TP53BP1: variants seen among roughly 807,000 people sequenced by gnomAD.
TP53BP1 encodes TP53-binding protein 1.
A neutral mutation model predicts 200.8 loss-of-function variants in TP53BP1; 61 were observed. The observed-to-expected ratio is 0.30, with a 90% CI of 0.25 to 0.38. TP53BP1 has a LOEUF of 0.38. Ranked by LOEUF, TP53BP1 falls within the 10% of genes least tolerant of loss-of-function variation. TP53BP1 has a pLI of 1.00. For synonymous variants in TP53BP1, 822 were observed against 844.3 expected, an observed-to-expected ratio of 0.97 and a Z score of 0.46; for missense variants, 2,144 against 2,371.9, an observed-to-expected ratio of 0.90 and a Z score of 2.00.
rs545543621 is a variant in TP53BP1, at chr15:43,457,163, T to C, written c.1445A>G (p.Asp482Gly). 1.2e-6 allele frequency: 2 copies of C among 1,613,262 alleles called. No individual in the cohort carries two copies. Among genetic ancestry groups the C allele is most frequent in the African/African-American group, 2.7e-5 (2 of 75,026 alleles). ...LEEQSNDGKK[D>G]GDMHSSSLTV... is the part of the protein sequence containing the mutation. ...CAAAGATGAACTATGCATATCTCCA[T>C]CTTTCTTCCCATCATTTGATTGTTC... Residue 482 changes from aspartate (D) to glycine (G), a missense_variant, in exon 12 of 28, where the codon GAT (aspartate) becomes GGT (glycine). Asp to Gly is a moderately conservative substitution (Grantham distance 94). Transcript: ENST00000382044.
intron 23 of TP53BP1, among the ~76,000 whole-genome samples, chr15:43,414,544 A>C (rs2045214031): frequency 6.6e-6 from 1 of 152,090 alleles, no homozygotes; most frequent in African/African-American, 2.4e-5. Context: ...GAATAGACTG[A>C]TTTTACCTCT....
rs570488146 is a variant in TP53BP1, at chr15:43,421,936, C to A, written c.4019G>T (p.Gly1340Val). 29 of 1,614,168 alleles carry A rather than the reference C, an allele frequency of 1.8e-5. No homozygotes were observed. The South Asian group carries it at 3.0e-4, about 17-fold the overall frequency. Residue 1340 changes from glycine (G) to valine (V), a missense_variant, in exon 19 of 28, where the codon GGA (glycine) becomes GTA (valine). Physicochemically the swap from Gly to Val is moderately radical, Grantham distance 109. This residue lies in a region of TP53BP1 where 1,700 missense variants were observed against 1,710.3 expected (regional missense o/e 0.99). Transcript: ENST00000382044. ...HSSGSSGKGAGPLRGKTSGTE... is the reference protein window; with the variant it reads ...HSSGSSGKGAVPLRGKTSGTE... ...CCCGCTGGTTTTCCCTCTGAGTGGTCCGGCTCCTTTCCCTGAGCTTCCACT... is the reference window on the plus strand; with the variant it reads ...CCCGCTGGTTTTCCCTCTGAGTGGTACGGCTCCTTTCCCTGAGCTTCCACT...
Position 43,469,953 on chromosome 15 carries a change from T to G in TP53BP1, c.1294A>C (p.Thr432Pro), listed in dbSNP as rs748984816. The G allele has an allele frequency of 1.7e-5, 27 of 1,613,942 alleles. No homozygotes were observed. The highest frequency in any genetic ancestry group is 2.0e-5 in the Non-Finnish European group (24 of 1,180,024). ...LENPPLLPES[T>P]VSPQASTPIS... ...GGTGTTGAGGCTTGTGGTGATACAG[T>G]GGACTCAGGCAGGAGAGGGGGGTTT... Residue 432 changes from threonine to proline, a missense_variant, in exon 11 of 28, where the codon ACT becomes CCT. Thr to Pro is a conservative substitution (Grantham distance 38). This residue lies in a region of TP53BP1 where 1,700 missense variants were observed against 1,710.3 expected (regional missense o/e 0.99). Coordinates refer to ENST00000382044, the MANE Select transcript of TP53BP1 (RefSeq NM_001141980.3).
chr15:43,496,622 C>CT (rs201302525), upstream of TP53BP1, among the ~76,000 whole-genome samples: 1,862 of 135,146 alleles, frequency 0.014, 45 homozygotes, highest in South Asian at 0.038. Flanking sequence ...TCATATATTC[C>CT]TTTTTTTTTT....
chr15:43,466,624 A>G (rs2046585789), intron 11 of TP53BP1, among the ~76,000 whole-genome samples: 1 of 152,020 alleles, frequency 6.6e-6, no homozygotes, highest in African/African-American at 2.4e-5. Context: ...TGGGAGGCCA[A>G]GGCAGGAGGT....
At chr15:43,494,852 C>A (rs763651865), upstream of TP53BP1, among the ~76,000 whole-genome samples, 1 of 152,178 alleles carries the variant, frequency 6.6e-6, no homozygotes, top group Non-Finnish European at 1.5e-5. Context: ...AAGTGAGGCA[C>A]AAATAAACAG....
chr15:43,407,733 C>G (rs1404006932), intron 27 of TP53BP1, 163 bp from the exon 28 acceptor site: 2 of 790,378 alleles, frequency 2.5e-6, no homozygotes, highest in Non-Finnish European at 4.0e-6. Context: ...GAGTTATAAT[C>G]ACTATGTGCT....
chr15:43,468,850 A>G (rs2046652613), intron 11 of TP53BP1, among the ~76,000 whole-genome samples: 1 of 152,220 alleles, frequency 6.6e-6, no homozygotes, highest in Non-Finnish European at 1.5e-5. Flanking sequence ...CTGACTCTAG[A>G]GTCCTCATTT....
chr15:43,457,542 G>A (rs1322020196), intron 11 of TP53BP1, among the ~76,000 whole-genome samples: 10 of 151,396 alleles, frequency 6.6e-5, no homozygotes, highest in Non-Finnish European at 8.8e-5. Flanking sequence ...CGTGGTGGTG[G>A]GCACCTGTAA....
Position 43,454,863 on chromosome 15 carries a change from C to A in TP53BP1, c.2716+1029G>T, listed in dbSNP as rs374826503. Among the ~76,000 whole-genome samples, 6 of 152,278 alleles carry A rather than the reference C, an allele frequency of 3.9e-5. No individual in the cohort carries two copies. In the South Asian group the frequency reaches 6.2e-4, roughly 16 times the overall value. ...TCTCATGCCTCAGCCTCCCGAGTAG[C>A]TGGAACTACTGGTACACACGACACA... is the stretch of plus-strand genomic sequence containing the variant. On this transcript the variant is annotated intron_variant, in intron 12 of 27. Transcript: ENST00000382044.
Position 43,404,462 on chromosome 15 carries a change from G to A in TP53BP1, c.*2921C>T, listed in dbSNP as rs749524739. ...CTGTTCAAGATTCTCTCCAGTGTTC[G>A]GAATCATCAGATCAACTCAGATTTG... On this transcript the variant is annotated 3_prime_UTR_variant, in exon 28 of 28. Transcript: ENST00000382044. 21 of 1,613,998 alleles carry A rather than the reference G, an allele frequency of 1.3e-5. No homozygotes were observed. Among genetic ancestry groups the A allele is most frequent in the Admixed American group, 5.0e-5 (3 of 59,996 alleles).
chr15:43,404,684 G>A lies in TP53BP1; in HGVS notation c.*2699C>T, dbSNP rs1300690958. 1.1e-6 allele frequency: 1 copy of A among 942,600 alleles called. No homozygotes were observed. Among genetic ancestry groups the A allele is most frequent in the Non-Finnish European group, 1.6e-6 (1 of 640,754 alleles). The allele number at this position is 942,600 out of a possible 1,614,324, so 58.4% of individuals were successfully genotyped here. ...ATAAGTAAGGCTTAGAGATAGAGGT[G>A]TGACCATCTTTAATAATTTTAATGG... is the stretch of plus-strand genomic sequence containing the variant. On this transcript the variant is annotated 3_prime_UTR_variant, in exon 28 of 28. Coordinates refer to ENST00000382044, the MANE Select transcript of TP53BP1 (RefSeq NM_001141980.3).
chr15:43,499,130 G>A lies in TP53BP1; in HGVS notation c.-8-6662C>T, dbSNP rs560548419. Reference sequence around the variant, plus strand: ...GAAATCTAAAAAGAATATAAGAGAAGACTTCAGTGGACAAGGACACCACTG... The same window carrying A: ...GAAATCTAAAAAGAATATAAGAGAAAACTTCAGTGGACAAGGACACCACTG... On this transcript the variant is annotated intron_variant, in intron 1 of 27. Coordinates refer to the TP53BP1 transcript ENST00000263801. Among the ~76,000 whole-genome samples the A allele has an allele frequency of 2.6e-5, 4 of 152,168 alleles. No individual in the cohort carries two copies. The East Asian group carries it at 7.7e-4, about 29-fold the overall frequency.
At chr15:43,451,884 C>T (rs560526108) in intron 12 of TP53BP1, among the ~76,000 whole-genome samples, 9 of 152,216 alleles carry the variant, frequency 5.9e-5, no homozygotes, top group Non-Finnish European at 8.8e-5. Flanking sequence ...CCTGTAATCC[C>T]GGCACTTTGA....
rs570509444 is a variant in TP53BP1, at chr15:43,473,407, G to A, written c.1180+1266C>T. Among the ~76,000 whole-genome samples the A allele has an allele frequency of 1.2e-3, 177 of 152,226 alleles. 1 individual carries two copies. Among genetic ancestry groups the A allele is most frequent in the African/African-American group, 4.0e-3 (168 of 41,526 alleles). On this transcript the variant is annotated intron_variant, in intron 10 of 27. Transcript: ENST00000382044. ...TGAGCTAGACACAAAGGTTCTCCAC[G>A]TCCCCACCAGATTAGCTAGATACAG...
intron 15 of TP53BP1, 129 bp from the exon 16 acceptor site, chr15:43,438,545 A>G (rs1322283313): frequency 1.5e-6 from 1 of 648,936 alleles, no homozygotes; most frequent in Non-Finnish European, 2.5e-6. Flanking sequence ...ACCTTACACC[A>G]AAATGCAAAT....
At chr15:43,496,074 G>A (rs1165312774), upstream of TP53BP1, among the ~76,000 whole-genome samples, 1 of 152,160 alleles carries the variant, frequency 6.6e-6, no homozygotes, top group African/African-American at 2.4e-5. Context: ...ACATCTACCT[G>A]TCTACAGGTA....
At chr15:43,453,584 T>C (rs1217038216) in intron 12 of TP53BP1, among the ~76,000 whole-genome samples, 1 of 147,632 alleles carries the variant, frequency 6.8e-6, no homozygotes, top group Non-Finnish European at 1.5e-5. Flanking sequence ...AATAGGGACT[T>C]TTTTTTTTTT....
intron 10 of TP53BP1, among the ~76,000 whole-genome samples, chr15:43,473,617 G>C (rs1254411645): frequency 3.3e-5 from 5 of 152,122 alleles, no homozygotes; most frequent in Non-Finnish European, 7.4e-5. Context: ...GGTTCTCCAC[G>C]TCCCACCAGA....
Sources: gnomAD v4.1 joint callset for allele counts (sites outside exome capture counted in the v4.1 genomes callset) on GRCh38, gnomAD v4.1.1 for gene constraint, gnomAD v4.1.1 regional missense constraint, MANE v1.5 for transcripts, NCBI Gene and HGNC (gene_info 2026-07-23, HGNC 2026-07-21) for gene names.